Variants in NAV2 observed in about 807,000 individuals in gnomAD.
The protein encoded by NAV2 is neuron navigator 2.
A neutral mutation model predicts 223.2 loss-of-function variants in NAV2; 54 were observed. That is an observed-to-expected ratio of 0.24 (90% CI 0.19 to 0.30). The LOEUF (loss-of-function observed/expected upper bound fraction) is 0.30. NAV2 is among the 10% of genes least tolerant of loss of function. The probability of loss-of-function intolerance (pLI) is 1.00; values close to 1 mark genes in which losing one functional copy is unlikely to be tolerated. For synonymous variants in NAV2, 1,279 were observed against 1,239.3 expected, an observed-to-expected ratio of 1.03 and a Z score of -0.67; for missense variants, 2,806 against 3,147.5, an observed-to-expected ratio of 0.89 and a Z score of 2.60.
chr11:19,608,921 C>T (rs914285659), intron 1 of NAV2, among the ~76,000 whole-genome samples: 1 of 152,208 alleles, frequency 6.6e-6, no homozygotes, highest in African/African-American at 2.4e-5. Context: ...TGGCTGGCCC[C>T]CAGCTGCAAT....
intron 1 of NAV2, among the ~76,000 whole-genome samples, chr11:19,486,125 C>T (rs889889927): frequency 2.0e-5 from 3 of 152,082 alleles, no homozygotes; most frequent in African/African-American, 7.2e-5. Context: ...TGCAAAACAC[C>T]CTTCCTCTGA....
chr11:19,952,255 G>T (rs2047460635), intron 10 of NAV2, among the ~76,000 whole-genome samples: 1 of 152,244 alleles, frequency 6.6e-6, no homozygotes, highest in African/African-American at 2.4e-5. Context: ...GAAATAGACT[G>T]GGATATCATA....
intron 1 of NAV2, among the ~76,000 whole-genome samples, chr11:19,496,276 A>T (rs1214171788): frequency 1.3e-5 from 2 of 152,256 alleles, no homozygotes; most frequent in African/African-American, 4.8e-5. Flanking sequence ...TAAAACAATA[A>T]ACATTTATTA....
chr11:19,510,066 A>G (rs757890689), intron 1 of NAV2, among the ~76,000 whole-genome samples: 1 of 152,214 alleles, frequency 6.6e-6, no homozygotes, highest in Non-Finnish European at 1.5e-5. Flanking sequence ...GCTATTATGC[A>G]AGTTGGAGAA....
intron 20 of NAV2, 130 bp downstream of exon 20, chr11:20,062,489 G>A: frequency 1.5e-6 from 1 of 675,522 alleles, no homozygotes; most frequent in Non-Finnish European, 2.4e-6. Flanking sequence ...CAATTAATTA[G>A]GGAACAAGAT....
chr11:20,091,638 A>G (rs116267179), intron 27 of NAV2, among the ~76,000 whole-genome samples: 7,156 of 152,234 alleles, frequency 0.047, 260 homozygotes, highest in African/African-American at 0.096. Context: ...ACATAGCACC[A>G]ATGCCTTGCA....
chr11:19,800,053 C>T (rs1311750976), intron 1 of NAV2, among the ~76,000 whole-genome samples: 1 of 152,196 alleles, frequency 6.6e-6, no homozygotes, highest in Non-Finnish European at 1.5e-5. Context: ...AGCCCCTCAT[C>T]TTCTATTAAA....
chr11:19,745,478 AC>A (rs1183367498), intron 1 of NAV2, among the ~76,000 whole-genome samples: 4 of 151,546 alleles, frequency 2.6e-5, no homozygotes. Context: ...AGCCCTCCAC[AC>A]ACCTGCTTCC....
chr11:19,954,157 A>T (rs1351970673), intron 10 of NAV2, among the ~76,000 whole-genome samples: 2 of 152,120 alleles, frequency 1.3e-5, no homozygotes, highest in Non-Finnish European at 2.9e-5. Flanking sequence ...ACTGTGAGTC[A>T]TTGTGTTGGT....
At chr11:19,711,825 C>G (rs186961838), upstream of NAV2, 1 of 152,308 alleles carries the variant, frequency 6.6e-6, no homozygotes, top group African/African-American at 2.4e-5. Flanking sequence ...CTCATTTAAT[C>G]CAAACAACAG....
At chr11:20,106,356 C>T (rs775107520) in intron 35 of NAV2, among the ~76,000 whole-genome samples, 4 of 147,174 alleles carry the variant, frequency 2.7e-5, no homozygotes, top group East Asian at 4.2e-4. Flanking sequence ...GTTAAGAGTT[C>T]GAAACCAGCC....
chr11:19,616,713 C>T (rs1379002776), intron 1 of NAV2, among the ~76,000 whole-genome samples: 1 of 151,968 alleles, frequency 6.6e-6, no homozygotes, highest in Non-Finnish European at 1.5e-5. Context: ...CCTAGGATGG[C>T]TCCTCTGGCA....
chr11:19,778,938 A>C (rs554584789), intron 1 of NAV2, among the ~76,000 whole-genome samples: 2 of 152,310 alleles, frequency 1.3e-5, no homozygotes, highest in South Asian at 4.1e-4. Context: ...GCCAAACCTA[A>C]ATGCTTTTTT....
intron 11 of NAV2, among the ~76,000 whole-genome samples, chr11:20,006,726 C>A (rs1359048022): frequency 6.6e-6 from 1 of 151,882 alleles, no homozygotes; most frequent in African/African-American, 2.4e-5. Context: ...GTGGCACATG[C>A]CTGCAGTCCT....
At chr11:19,407,241 C>T (rs555837942) in intron 1 of NAV2, among the ~76,000 whole-genome samples, 1 of 152,300 alleles carries the variant, frequency 6.6e-6, no homozygotes, top group Non-Finnish European at 1.5e-5. Context: ...AACAAGGCAG[C>T]CCCTGCCTCT....
At chr11:19,581,814 T>C (rs560216156) in intron 1 of NAV2, among the ~76,000 whole-genome samples, 4 of 152,346 alleles carry the variant, frequency 2.6e-5, no homozygotes, top group East Asian at 3.9e-4. Flanking sequence ...TGAATAGTGC[T>C]GCAATAAACA....
intron 30 of NAV2, among the ~76,000 whole-genome samples, chr11:20,096,537 G>A (rs1283530416): frequency 2.6e-5 from 4 of 152,200 alleles, no homozygotes; most frequent in African/African-American, 9.7e-5. Context: ...AAGAAAGTGA[G>A]GGTCAGGTTG....
chr11:20,035,698 C>T (rs993828114), intron 11 of NAV2, among the ~76,000 whole-genome samples: 6 of 152,172 alleles, frequency 3.9e-5, no homozygotes, highest in African/African-American at 1.4e-4. Context: ...TGGGGTAGGA[C>T]ATGGGTAGTG....
At chr11:19,416,521 C>CAA (rs1850376525) in intron 1 of NAV2, among the ~76,000 whole-genome samples, 2 of 152,054 alleles carry the variant, frequency 1.3e-5, no homozygotes, top group South Asian at 4.2e-4. Context: ...CCATACTGCC[C>CAA]AAAGTAATTT....
Sources: gnomAD v4.1 joint callset for allele counts (sites outside exome capture counted in the v4.1 genomes callset) on GRCh38, gnomAD v4.1.1 for gene constraint, MANE v1.5 for transcripts, NCBI Gene and HGNC (gene_info 2026-07-23, HGNC 2026-07-21) for gene names.